TASOR2: variants seen among roughly 807,000 people sequenced by gnomAD.
The protein encoded by TASOR2 is transcription activation suppressor family member 2.
Under a neutral mutation model 199.5 loss-of-function variants are expected in TASOR2, and 84 were observed. The observed-to-expected ratio is 0.42, with a 90% CI of 0.35 to 0.50. TASOR2 has a LOEUF of 0.50. Ranked by LOEUF, TASOR2 falls within the 20% of genes least tolerant of loss-of-function variation. The pLI, the probability that TASOR2 is intolerant of heterozygous loss-of-function variation, is 0.02. For missense variants in TASOR2, 2,796 were observed against 2,835.9 expected (o/e 0.99, Z 0.32); for synonymous variants, 1,103 against 1,046.6 (o/e 1.05, Z -1.04).
chr10:5,717,717 A>G, exon 3 of TASOR2: 2 of 1,223,902 alleles, frequency 1.6e-6, no homozygotes, highest in Non-Finnish European at 1.0e-6. Flanking sequence ...ATCATGGGAA[A>G]TCTGGTTATG....
At chr10:5,759,281 T>C (rs745653725) in intron 18 of TASOR2, among the ~76,000 whole-genome samples, 1 of 152,202 alleles carries the variant, frequency 6.6e-6, no homozygotes, top group Non-Finnish European at 1.5e-5. Context: ...AAAAAATATA[T>C]GGAACTTGTA....
rs1838117204 is a variant in TASOR2, at chr10:5,752,052, C to T, written c.6606+2025C>T. 6.6e-6 allele frequency among the ~76,000 whole-genome samples: 1 copy of T among 151,966 alleles called. No homozygotes were observed. Among genetic ancestry groups the T allele is most frequent in the African/African-American group, 2.4e-5 (1 of 41,364 alleles). The stretch of plus-strand genomic sequence containing the variant: ...TGAGACCCCTCACTGAGGCACTAAT[C>T]CTGACCTCCCGAAACTCCCTGACCT... On this transcript the variant is annotated intron_variant, in intron 15 of 20. Transcript: ENST00000328090. The surrounding 1 kb of genome is among the most constrained non-coding windows in gnomAD (Gnocchi z 4.4).
rs1837853589 is a variant in TASOR2 at position 5,701,570 on chromosome 10, A to C, written c.-287-11253A>C. 2.0e-5 allele frequency among the ~76,000 whole-genome samples: 3 copies of C among 152,314 alleles called. No individual in the cohort carries two copies. Among genetic ancestry groups the C allele is most frequent in the South Asian group, 4.1e-4 (2 of 4,826 alleles). ...TTGGCTTTGGGTAGTATTCAACAATATGAATTCTTCCAGTCCCTGAGCATA... is the reference window on the plus strand; with the variant it reads ...TTGGCTTTGGGTAGTATTCAACAATCTGAATTCTTCCAGTCCCTGAGCATA... On this transcript the variant is annotated intron_variant, in intron 1 of 20. Transcript: ENST00000328090. The surrounding 1 kb of genome is among the most constrained non-coding windows in gnomAD (Gnocchi z 4.9).
At position 5,706,499 on chromosome 10, in the gene TASOR2, C is replaced by CA. The variant is rs971588932; in HGVS notation, c.-287-6316dup. Among the ~76,000 whole-genome samples the CA allele has an allele frequency of 9.9e-5, 15 of 151,254 alleles. No homozygotes were observed. The highest frequency in any genetic ancestry group is 2.1e-4 in the South Asian group (1 of 4,790). On this transcript the variant is annotated intron_variant, in intron 1 of 20. Coordinates refer to ENST00000328090, the Ensembl canonical transcript of TASOR2. This position sits in a 1 kb window ranked among gnomAD's most constrained non-coding sequence, Gnocchi z 4.8. ...ACATAGTGCTCCAGAAAGGTCCTTCCAAAAAAAAGAAAAGAAGCTGCTCAA... is the reference window on the plus strand; with the variant it reads ...ACATAGTGCTCCAGAAAGGTCCTTCCAAAAAAAAAGAAAAGAAGCTGCTCAA...
rs1424273601 is a variant in TASOR2, at chr10:5,720,632, A to G, written c.-11A>G. The stretch of plus-strand genomic sequence containing the variant: ...GTAATTGTAGCTTTTCGATACAGGG[A>G]ATCTAAAACTATGGCACCACCAGCT... On this transcript the variant is annotated 5_prime_UTR_variant, in exon 4 of 21. Transcript: ENST00000328090. This position sits in a 1 kb window ranked among gnomAD's most constrained non-coding sequence, Gnocchi z 5.3. 1 of 1,613,944 alleles carries G rather than the reference A, an allele frequency of 6.2e-7. No individual in the cohort carries two copies. Among genetic ancestry groups the G allele is most frequent in the African/African-American group, 1.3e-5 (1 of 74,928 alleles).
intron 3 of TASOR2, among the ~76,000 whole-genome samples, chr10:5,717,993 C>T (rs898801961): frequency 2.0e-5 from 3 of 152,236 alleles, no homozygotes; most frequent in East Asian, 1.9e-4. Context: ...TTCCTCTCAC[C>T]TGTCAGAGCT....
In TASOR2 at chr10:5,730,794, A is replaced by G. The variant is rs1227404955; in HGVS notation, c.795A>G (p.Ser265=). Residue 265 remains serine, a synonymous_variant, in exon 11 of 21, where the codon TCA becomes TCG. Transcript: ENST00000328090. The surrounding 1 kb of genome is among the most constrained non-coding windows in gnomAD (Gnocchi z 4.1). The stretch of plus-strand genomic sequence containing the variant: ...TAACTCAGTTGAACTCTTATTTTTC[A>G]GACCCTAGTGCTTACATTTTGGAAG... The G allele has an allele frequency of 1.2e-6, 2 of 1,614,180 alleles. No homozygotes were observed. Among genetic ancestry groups the G allele is most frequent in the Non-Finnish European group, 1.7e-6 (2 of 1,180,018 alleles).
chr10:5,720,751 C>A lies in TASOR2; in HGVS notation c.27-4C>A. 6.2e-7 allele frequency: 1 copy of A among 1,612,694 alleles called. No individual in the cohort carries two copies. The highest frequency in any genetic ancestry group is 8.5e-7 in the Non-Finnish European group (1 of 1,179,652). ...CATGTTCTTTTTCTTTCTTTTTCTG[C>A]TAGACTTGAACGCAGTGAAAATGGT... On this transcript the variant is annotated splice_polypyrimidine_tract_variant and splice_region_variant and intron_variant, in intron 4 of 20. Transcript: ENST00000328090. The surrounding 1 kb of genome is among the most constrained non-coding windows in gnomAD (Gnocchi z 5.3).
intron 3 of TASOR2, among the ~76,000 whole-genome samples, chr10:5,718,648 A>T (rs749144506): frequency 1.1e-3 from 160 of 151,802 alleles, no homozygotes; most frequent in Non-Finnish European, 1.8e-3. Flanking sequence ...AATCCCAGCT[A>T]CTTGGGAGGC....
At chr10:5,747,945 T>A in exon 15 of TASOR2, 1 of 1,613,844 alleles carries the variant, frequency 6.2e-7, no homozygotes, top group Non-Finnish European at 8.5e-7. Flanking sequence ...CAAGTGAGCA[T>A]GATGAGGGTT....
intron 1 of TASOR2, among the ~76,000 whole-genome samples, chr10:5,694,308 G>A (rs375007636): frequency 1.1e-4 from 16 of 152,332 alleles, no homozygotes; most frequent in Non-Finnish European, 1.6e-4. Context: ...AGAGGGTACT[G>A]AGGGGCTTTA....
rs1166147870 is a variant in TASOR2 at position 5,685,182 on chromosome 10, C to G, written c.-288+7C>G. ...GCGGCCACGCCAAGGACGGGTAAGT[C>G]CCTCCTCGGCCTGGGCGCCCGGGAA... On this transcript the variant is annotated splice_region_variant and intron_variant, in intron 1 of 20. Coordinates refer to ENST00000328090, the Ensembl canonical transcript of TASOR2. The surrounding 1 kb of genome is among the most constrained non-coding windows in gnomAD (Gnocchi z 5.4). 1.0e-5 allele frequency: 4 copies of G among 397,870 alleles called. No individual in the cohort carries two copies. The highest frequency in any genetic ancestry group is 8.2e-5 in the African/African-American group (4 of 48,590). 24.6% of individuals were successfully genotyped at this position (397,870 alleles called of 1,614,324 possible).
chr10:5,735,244 A>G (rs1835404895), intron 11 of TASOR2, 60 bp from the exon 13 acceptor site: 1 of 1,546,296 alleles, frequency 6.5e-7, no homozygotes, highest in African/African-American at 1.4e-5. Flanking sequence ...AAAAATGGAA[A>G]AGCTATGCTA....
chr10:5,754,391 T>C lies in TASOR2; in HGVS notation c.6607-2222T>C, dbSNP rs563784528. Among the ~76,000 whole-genome samples the C allele has an allele frequency of 1.6e-4, 23 of 144,276 alleles. No homozygotes were observed. The South Asian group carries it at 4.8e-3, about 30-fold the overall frequency. 94.7% of individuals were successfully genotyped at this position (144,276 alleles called of 152,430 possible). A position where few individuals can be genotyped will look rare whatever the true frequency, so the allele number is the denominator to read the frequency against. On this transcript the variant is annotated intron_variant, in intron 15 of 20. Coordinates refer to ENST00000328090, the Ensembl canonical transcript of TASOR2. The surrounding 1 kb of genome is among the most constrained non-coding windows in gnomAD (Gnocchi z 4.3). ...TAAGTTTTATTCATAGCAGAAGTACTTTTTTTTTTTTAATTGAGATGAAGT... is the reference window on the plus strand; with the variant it reads ...TAAGTTTTATTCATAGCAGAAGTACCTTTTTTTTTTTAATTGAGATGAAGT...
chr10:5,729,197 A>T lies in TASOR2; in HGVS notation c.488-1290A>T, dbSNP rs201405627. The stretch of plus-strand genomic sequence containing the variant: ...AACCCCATCTCTACTAAAAATACAA[A>T]AATTAGTTAGGTGTGGTGGCACATG... On this transcript the variant is annotated intron_variant, in intron 10 of 20. Coordinates refer to ENST00000328090, the Ensembl canonical transcript of TASOR2. Among the ~76,000 whole-genome samples the T allele has an allele frequency of 6.6e-5, 10 of 152,164 alleles. No individual in the cohort carries two copies. In the East Asian group the frequency reaches 1.7e-3, roughly 26 times the overall value.
chr10:5,714,276 A>G (rs1002602276), intron 2 of TASOR2, 69 bp downstream of exon 3: 12 of 962,700 alleles, frequency 1.2e-5, no homozygotes, highest in Non-Finnish European at 1.6e-5. Flanking sequence ...AGGTTTCATT[A>G]GTTTTATAAG....
At position 5,742,794 on chromosome 10, in the gene TASOR2, G is replaced by T. The variant is rs199512553; in HGVS notation, c.2757+268G>T. Among the ~76,000 whole-genome samples the T allele has an allele frequency of 1.3e-5, 2 of 152,046 alleles. No individual in the cohort carries two copies. Among genetic ancestry groups the T allele is most frequent in the East Asian group, 3.9e-4 (2 of 5,168 alleles). Reference sequence around the variant, plus strand: ...ATGATCTGGGAGCCCAGCATAATTTGGGGCAAATTGCTTCTTTGCCTAATT... The same window carrying T: ...ATGATCTGGGAGCCCAGCATAATTTTGGGCAAATTGCTTCTTTGCCTAATT... On this transcript the variant is annotated intron_variant, in intron 14 of 20. Coordinates refer to ENST00000328090, the Ensembl canonical transcript of TASOR2. This position sits in a 1 kb window ranked among gnomAD's most constrained non-coding sequence, Gnocchi z 4.2.
chr10:5,723,245 C>T lies in TASOR2; in HGVS notation c.147-432C>T, dbSNP rs1425784740. Among the ~76,000 whole-genome samples the T allele has an allele frequency of 2.6e-5, 4 of 151,400 alleles. No homozygotes were observed. The East Asian group carries it at 6.0e-4, about 23-fold the overall frequency. Reference sequence around the variant, plus strand: ...TAATTTTTTGTATTTTTAGTAGAGACGGGGTTTCACCGAGTTAGCCAGGAT... The same window carrying T: ...TAATTTTTTGTATTTTTAGTAGAGATGGGGTTTCACCGAGTTAGCCAGGAT... On this transcript the variant is annotated intron_variant, in intron 6 of 20. Coordinates refer to ENST00000328090, the Ensembl canonical transcript of TASOR2.
intron 14 of TASOR2, among the ~76,000 whole-genome samples, chr10:5,745,795 A>G (rs544499040): frequency 6.6e-5 from 10 of 152,290 alleles, no homozygotes; most frequent in African/African-American, 1.9e-4. Flanking sequence ...AAAAAAATTA[A>G]TCTCATTTAT....
Sources: allele counts gnomAD v4.1 joint callset (sites outside exome capture counted in the v4.1 genomes callset), GRCh38; gene constraint gnomAD v4.1.1; non-coding constraint Gnocchi (gnomAD v3.1); transcripts MANE v1.5; gene names NCBI Gene and HGNC (gene_info 2026-07-23, HGNC 2026-07-21).